Variants in CNIH3 observed in about 807,000 individuals in gnomAD.
The protein encoded by CNIH3 is protein cornichon homolog 3.
CNIH3 carries 14 observed loss-of-function variants against 24.1 expected under a neutral mutation model. The ratio of observed to expected loss-of-function variants is 0.58; its 90% CI spans 0.38 to 0.91. The LOEUF (loss-of-function observed/expected upper bound fraction) is 0.91, where lower values mean the gene tolerates loss of function less well. Ranked by LOEUF, CNIH3 falls within the 40% of genes least tolerant of loss-of-function variation. The pLI, the probability that CNIH3 is intolerant of heterozygous loss-of-function variation, is 0.00. For synonymous variants in CNIH3, 68 were observed against 73.8 expected (o/e 0.92, Z 0.40); for missense variants, 178 against 196.8 (o/e 0.90, Z 0.57).
chr1:224,649,879 A>G (rs1262539844), intron 1 of CNIH3, among the ~76,000 whole-genome samples: 1 of 152,216 alleles, frequency 6.6e-6, no homozygotes, highest in Non-Finnish European at 1.5e-5. Flanking sequence ...AATGTGTGCA[A>G]GCTTAAACAG....
At chr1:224,516,924 G>C (rs1678413632) in intron 1 of CNIH3, among the ~76,000 whole-genome samples, 1 of 152,054 alleles carries the variant, frequency 6.6e-6, no homozygotes, top group Non-Finnish European at 1.5e-5. Context: ...TATAAAGCCA[G>C]ATGGCTTCAC....
intron 3 of CNIH3, among the ~76,000 whole-genome samples, chr1:224,708,084 T>A (rs745624622): frequency 4.5e-4 from 68 of 152,274 alleles, no homozygotes; most frequent in African/African-American, 1.6e-3. Context: ...CCTACCTTCC[T>A]TAAGTTCCCC....
chr1:224,482,216 G>A (rs1221954943), intron 1 of CNIH3, among the ~76,000 whole-genome samples: 1 of 152,136 alleles, frequency 6.6e-6, no homozygotes, highest in Non-Finnish European at 1.5e-5. Context: ...CAAGAGCCTG[G>A]TTGGTGCTCT....
chr1:224,629,906 T>C (rs1683735407), intron 1 of CNIH3, among the ~76,000 whole-genome samples: 1 of 152,162 alleles, frequency 6.6e-6, no homozygotes, highest in Non-Finnish European at 1.5e-5. Flanking sequence ...CTTCACGTCT[T>C]ATAAGTGAAC....
intron 3 of CNIH3, among the ~76,000 whole-genome samples, chr1:224,597,947 A>G (rs1334732081): frequency 6.6e-6 from 1 of 152,146 alleles, no homozygotes; most frequent in Non-Finnish European, 1.5e-5. Context: ...ACAGTGTCAG[A>G]ATTGAATTGA....
chr1:224,553,186 T>C (rs1348300578), intron 3 of CNIH3, among the ~76,000 whole-genome samples: 1 of 149,668 alleles, frequency 6.7e-6, no homozygotes, highest in Non-Finnish European at 1.5e-5. Context: ...ATATCATGAA[T>C]AATATCACAG....
chr1:224,612,646 G>A (rs189064100), upstream of CNIH3, among the ~76,000 whole-genome samples: 9 of 152,308 alleles, frequency 5.9e-5, no homozygotes, highest in Non-Finnish European at 7.4e-5. The surrounding 1 kb of genome is among the most constrained non-coding windows in gnomAD (Gnocchi z 4.7). Flanking sequence ...CTAGATACCT[G>A]GCAAAAGAAG....
At chr1:224,718,733 G>A (rs966820712) in intron 3 of CNIH3, among the ~76,000 whole-genome samples, 1 of 152,036 alleles carries the variant, frequency 6.6e-6, no homozygotes, top group East Asian at 1.9e-4. Flanking sequence ...CCTGTGTGAA[G>A]CCTGTTCTTT....
At chr1:224,598,593 T>A (rs1012515679) in intron 3 of CNIH3, among the ~76,000 whole-genome samples, 7 of 152,250 alleles carry the variant, frequency 4.6e-5, no homozygotes, top group African/African-American at 1.4e-4. Context: ...GGTGGCAAAC[T>A]TCATTGTTGT....
chr1:224,668,273 G>A (rs73128997), intron 1 of CNIH3, among the ~76,000 whole-genome samples: 68 of 152,264 alleles, frequency 4.5e-4, no homozygotes, highest in African/African-American at 1.4e-3. Flanking sequence ...GCATTACTGC[G>A]TTCCTTTATA....
chr1:224,691,080 T>A (rs1242222147), intron 3 of CNIH3, among the ~76,000 whole-genome samples: 11 of 152,200 alleles, frequency 7.2e-5, no homozygotes, highest in Non-Finnish European at 1.5e-5. Flanking sequence ...CAGTGAAAAG[T>A]CAGTCTTGTT....
chr1:224,460,884 C>T (rs1286015202), intron 1 of CNIH3, among the ~76,000 whole-genome samples: 1 of 151,920 alleles, frequency 6.6e-6, no homozygotes, highest in African/African-American at 2.4e-5. Context: ...GTCCTCCCAC[C>T]TCAGCCTCCT....
intron 2 of CNIH3, among the ~76,000 whole-genome samples, chr1:224,524,252 G>T (rs1157672305): frequency 2.0e-5 from 3 of 152,314 alleles, no homozygotes; most frequent in Admixed American, 6.5e-5. Context: ...TTGTCAGATC[G>T]GCTGGTCAAG....
At chr1:224,596,984 C>T (rs775813308) in intron 3 of CNIH3, among the ~76,000 whole-genome samples, 9 of 152,030 alleles carry the variant, frequency 5.9e-5, no homozygotes, top group Non-Finnish European at 1.3e-4. Context: ...GAAACCCCGT[C>T]TCTACTAAAA....
intron 1 of CNIH3, among the ~76,000 whole-genome samples, chr1:224,452,613 C>T (rs1258104747): frequency 1.3e-5 from 2 of 151,110 alleles, no homozygotes; most frequent in Non-Finnish European, 2.9e-5. Context: ...AACCCCGTCT[C>T]TACTAAAAAT....
chr1:224,434,963 C>G, intron 1 of CNIH3: 1 of 985,648 alleles, frequency 1.0e-6, no homozygotes, highest in Middle Eastern at 5.2e-4. Flanking sequence ...CCGCCCCGAC[C>G]CCATCCACGA....
chr1:224,583,038 A>T (rs1284565453), intron 4 of CNIH3: 1 of 152,210 alleles, frequency 6.6e-6, no homozygotes, highest in African/African-American at 2.4e-5. Context: ...TAAGTGGATT[A>T]TGGAGATGCA....
intron 2 of CNIH3, among the ~76,000 whole-genome samples, chr1:224,532,825 C>T (rs886998909): frequency 3.9e-5 from 6 of 152,180 alleles, no homozygotes; most frequent in East Asian, 3.9e-4. Context: ...TTGACTGTTT[C>T]GCAGCTTTAT....
chr1:224,596,935 C>T (rs746794616), intron 3 of CNIH3, among the ~76,000 whole-genome samples: 1 of 152,042 alleles, frequency 6.6e-6, no homozygotes, highest in South Asian at 2.1e-4. Context: ...GGTGGAACAC[C>T]TGAGGTCAGG....
Sources: gnomAD v4.1 joint callset for allele counts (sites outside exome capture counted in the v4.1 genomes callset) on GRCh38, gnomAD v4.1.1 for gene constraint, Gnocchi (gnomAD v3.1) non-coding constraint, MANE v1.5 for transcripts, NCBI Gene and HGNC (gene_info 2026-07-23, HGNC 2026-07-21) for gene names.